Variants in SEM1 observed in about 807,000 individuals in gnomAD.
The protein encoded by SEM1 is SEM1 26S proteasome subunit, also known as 26S proteasome complex subunit SEM1.
Under a neutral mutation model 12.7 loss-of-function variants are expected in SEM1, and 3 were observed. The observed-to-expected ratio is 0.24, with a 90% CI of 0.11 to 0.61. The LOEUF is 0.61. Among genes scored for constraint, SEM1 ranks in the 20% least tolerant of loss-of-function variants. SEM1 has a pLI of 0.88. For missense variants in SEM1, 59 were observed against 81.3 expected, an observed-to-expected ratio of 0.73 and a Z score of 1.06; for synonymous variants, 30 against 27.8, an observed-to-expected ratio of 1.08 and a Z score of -0.25.
intron 2 of SEM1, among the ~76,000 whole-genome samples, chr7:96,612,793 A>G (rs190917031): frequency 0.039 from 5,907 of 151,530 alleles, 133 homozygotes; most frequent in Admixed American, 0.059. Context: ...CTGCCACCAC[A>G]CCCGGCTAAT....
intron 1 of SEM1, among the ~76,000 whole-genome samples, chr7:96,705,940 G>A (rs948729679): frequency 1.3e-5 from 2 of 151,932 alleles, no homozygotes; most frequent in Admixed American, 6.6e-5. Context: ...GTTGCCCTCC[G>A]GTCCTAGAAT....
chr7:96,481,802 C>A (rs1433515691), exon 4 of SEM1: 1 of 152,018 alleles, frequency 6.6e-6, no homozygotes, highest in Non-Finnish European at 1.5e-5. Flanking sequence ...CTATATCCAC[C>A]TAGTTACCAA....
intron 2 of SEM1, among the ~76,000 whole-genome samples, chr7:96,525,202 T>TATA (rs1804411619): frequency 2.0e-5 from 3 of 151,876 alleles, no homozygotes; most frequent in Non-Finnish European, 4.4e-5. Context: ...GGCTCTTATA[T>TATA]AAACAATTAC....
At chr7:96,593,037 AC>A (rs765401297) in intron 2 of SEM1, among the ~76,000 whole-genome samples, 1 of 150,404 alleles carries the variant, frequency 6.6e-6, no homozygotes, top group Non-Finnish European at 1.5e-5. Context: ...CTTTCTTAAA[AC>A]GTCATTTCTC....
Position 96,595,138 on chromosome 7 carries a change from A to G in SEM1, c.171-88440T>C, listed in dbSNP as rs188040344. On this transcript the variant is annotated intron_variant and NMD_transcript_variant, in intron 2 of 3. Transcript: ENST00000466986. ...GAAGCTTCTATATCATGAAGCTGAA[A>G]GGAACTTTTCTCAAACTAGGTAATA... is the stretch of plus-strand genomic sequence containing the variant. 2.0e-5 allele frequency among the ~76,000 whole-genome samples: 3 copies of G among 152,344 alleles called. No individual in the cohort carries two copies. The East Asian group carries it at 5.8e-4, about 29-fold the overall frequency.
intron 2 of SEM1, among the ~76,000 whole-genome samples, chr7:96,630,668 T>C (rs1277373400): frequency 3.3e-5 from 5 of 152,174 alleles, no homozygotes; most frequent in Admixed American, 6.5e-5. Flanking sequence ...AAAGTCCCCT[T>C]TACTTTTCCA....
At chr7:96,603,829 C>T (rs1215390826) in intron 2 of SEM1, among the ~76,000 whole-genome samples, 2 of 151,690 alleles carry the variant, frequency 1.3e-5, no homozygotes, top group South Asian at 4.2e-4. Flanking sequence ...GATTTCAAAA[C>T]TCATTCACTA....
chr7:96,632,820 A>G (rs1411008853), intron 2 of SEM1, among the ~76,000 whole-genome samples: 1 of 114,716 alleles, frequency 8.7e-6, no homozygotes, highest in African/African-American at 3.5e-5. Context: ...TTGTTAGATT[A>G]GTGTGTTTGC....
intron 2 of SEM1, among the ~76,000 whole-genome samples, chr7:96,526,107 AC>A (rs1354666021): frequency 6.6e-6 from 1 of 151,784 alleles, no homozygotes; most frequent in African/African-American, 2.4e-5. Context: ...CCTCAAACCA[AC>A]CCCTGTCAAA....
At chr7:96,635,164 G>A (rs1808394068) in intron 2 of SEM1, among the ~76,000 whole-genome samples, 1 of 152,092 alleles carries the variant, frequency 6.6e-6, no homozygotes, top group African/African-American at 2.4e-5. Context: ...AGAAAATAAA[G>A]GAATCACGAT....
chr7:96,608,308 G>A (rs1323482130), intron 2 of SEM1, among the ~76,000 whole-genome samples: 2 of 152,154 alleles, frequency 1.3e-5, no homozygotes, highest in Non-Finnish European at 2.9e-5. Flanking sequence ...ATTTGAGTGT[G>A]TTGGTTGGAA....
chr7:96,684,270 T>C (rs4729274), downstream of SEM1, among the ~76,000 whole-genome samples: 51,674 of 151,970 alleles, frequency 0.34, 10,529 homozygotes, highest in African/African-American at 0.58. Context: ...GCCAGATGCT[T>C]CTAGCCCCAC....
At chr7:96,565,895 T>C (rs931888920) in intron 2 of SEM1, among the ~76,000 whole-genome samples, 2 of 151,860 alleles carry the variant, frequency 1.3e-5, no homozygotes, top group African/African-American at 4.8e-5. Flanking sequence ...ATGTACACAT[T>C]ATCCTTGTCA....
In SEM1 at chr7:96,578,919, T is replaced by A. The variant is rs142213130; in HGVS notation, c.171-72221A>T. ...TCATTTTATGGATACAATTATTGGTTACAATAGCAGTCACCAGCCTGCAGA... is the reference window on the plus strand; with the variant it reads ...TCATTTTATGGATACAATTATTGGTAACAATAGCAGTCACCAGCCTGCAGA... On this transcript the variant is annotated intron_variant and NMD_transcript_variant, in intron 2 of 3. Coordinates refer to the SEM1 transcript ENST00000466986. Among the ~76,000 whole-genome samples the A allele has an allele frequency of 2.0e-3, 307 of 152,296 alleles. 1 individual carries two copies. The highest frequency in any genetic ancestry group is 7.3e-3 in the African/African-American group (303 of 41,566).
chr7:96,557,556 T>C (rs200744376), intron 2 of SEM1, among the ~76,000 whole-genome samples: 25,163 of 73,434 alleles, frequency 0.34, 8,388 homozygotes, highest in African/African-American at 0.37. Flanking sequence ...GTTCTCGTAT[T>C]TCCAGCTGCG....
chr7:96,667,726 C>G (rs975749329), intron 2 of SEM1, among the ~76,000 whole-genome samples: 1 of 152,230 alleles, frequency 6.6e-6, no homozygotes, highest in Non-Finnish European at 1.5e-5. Flanking sequence ...AAGAGAACCA[C>G]ATTGCTAAAT....
At chr7:96,573,791 T>G (rs1019268513) in intron 2 of SEM1, among the ~76,000 whole-genome samples, 1 of 152,200 alleles carries the variant, frequency 6.6e-6, no homozygotes, top group Non-Finnish European at 1.5e-5. Flanking sequence ...CTGTATTTCC[T>G]GAATTTGAAT....
intron 2 of SEM1, among the ~76,000 whole-genome samples, chr7:96,585,703 G>A (rs1240334015): frequency 5.9e-5 from 9 of 151,640 alleles, no homozygotes; most frequent in Admixed American, 3.9e-4. Context: ...GAAAAGTGCA[G>A]TATTCGGGTG....
intron 2 of SEM1, among the ~76,000 whole-genome samples, chr7:96,676,282 C>T (rs1328908178): frequency 6.6e-6 from 1 of 152,144 alleles, no homozygotes; most frequent in Admixed American, 6.5e-5. Flanking sequence ...AATGACATTG[C>T]ACTGGGCTCT....
Sources: gnomAD v4.1 joint callset for allele counts (sites outside exome capture counted in the v4.1 genomes callset) on GRCh38, gnomAD v4.1.1 for gene constraint, MANE v1.5 for transcripts, NCBI Gene and HGNC (gene_info 2026-07-23, HGNC 2026-07-21) for gene names.